LHFPL3: variants seen among roughly 807,000 people sequenced by gnomAD.
The protein encoded by LHFPL3 is LHFPL tetraspan subfamily member 3.
LHFPL3 carries 5 observed loss-of-function variants against 19.3 expected under a neutral mutation model. The observed-to-expected ratio is 0.26, with a 90% confidence interval of 0.14 to 0.54. The LOEUF (loss-of-function observed/expected upper bound fraction) is 0.54. Among genes scored for constraint, LHFPL3 ranks in the 20% least tolerant of loss-of-function variants. The pLI, the probability that LHFPL3 is intolerant of heterozygous loss-of-function variation, is 0.94. For synonymous variants in LHFPL3, 133 were observed against 126.2 expected (o/e 1.05, Z -0.36); for missense variants, 249 against 307.4 (o/e 0.81, Z 1.42).
intron 1 of LHFPL3, among the ~76,000 whole-genome samples, chr7:104,660,498 ACG>A (rs1388087041): frequency 2.0e-5 from 3 of 152,174 alleles, no homozygotes; most frequent in Non-Finnish European, 2.9e-5. Context: ...GTACTATGTC[ACG>A]TTGTCTATTT....
chr7:104,624,289 G>A (rs879132005), intron 1 of LHFPL3, among the ~76,000 whole-genome samples: 4 of 152,126 alleles, frequency 2.6e-5, no homozygotes, highest in East Asian at 1.9e-4. Context: ...CCCAGTTCTC[G>A]GCGAAGTAGT....
chr7:104,587,516 T>C (rs1286108723), intron 1 of LHFPL3, among the ~76,000 whole-genome samples: 5 of 152,226 alleles, frequency 3.3e-5, no homozygotes, highest in Non-Finnish European at 5.9e-5. Context: ...ATCCAGTCTA[T>C]CATTGTTGGA....
chr7:104,892,204 G>C (rs183718711), intron 2 of LHFPL3, among the ~76,000 whole-genome samples: 1 of 152,292 alleles, frequency 6.6e-6, no homozygotes, highest in Admixed American at 6.5e-5. Flanking sequence ...AGAGTCTTCA[G>C]AGCATCTCCT....
At chr7:104,868,060 G>A (rs1253650239) in intron 2 of LHFPL3, among the ~76,000 whole-genome samples, 228 of 144,598 alleles carry the variant, frequency 1.6e-3, no homozygotes, top group Middle Eastern at 3.4e-3. Context: ...AATAAATTAG[G>A]TATTGATGGG....
At chr7:104,352,351 G>A (rs148315011) in intron 1 of LHFPL3, among the ~76,000 whole-genome samples, 68 of 152,002 alleles carry the variant, frequency 4.5e-4, no homozygotes, top group African/African-American at 1.6e-3. Flanking sequence ...ACTTTTGCAC[G>A]TAAAATTCTT....
chr7:104,621,272 T>G (rs1791441854), intron 1 of LHFPL3, among the ~76,000 whole-genome samples: 1 of 152,190 alleles, frequency 6.6e-6, no homozygotes, highest in Admixed American at 6.5e-5. Context: ...CCTTTATGGA[T>G]TAGTATAGAA....
At chr7:104,897,804 A>G (rs1792395312) in intron 2 of LHFPL3, among the ~76,000 whole-genome samples, 1 of 152,210 alleles carries the variant, frequency 6.6e-6, no homozygotes, top group South Asian at 2.1e-4. Context: ...AAATAAAGCA[A>G]TTAGATGCAC....
intron 2 of LHFPL3, among the ~76,000 whole-genome samples, chr7:104,761,733 C>A (rs1408609506): frequency 6.6e-6 from 1 of 152,182 alleles, no homozygotes; most frequent in African/African-American, 2.4e-5. Context: ...AAATACATAG[C>A]CTGCCGGAAT....
At chr7:104,478,246 T>C (rs1356811410) in intron 1 of LHFPL3, among the ~76,000 whole-genome samples, 5 of 152,112 alleles carry the variant, frequency 3.3e-5, no homozygotes. Context: ...TCCTGATAGG[T>C]TGAGAAATTA....
At chr7:104,495,909 ATTACT>A (rs1222284198) in intron 1 of LHFPL3, among the ~76,000 whole-genome samples, 131 of 151,918 alleles carry the variant, frequency 8.6e-4, no homozygotes, top group Non-Finnish European at 1.1e-3. Context: ...ATCCTCATTT[ATTACT>A]TTACTTAGGA....
intron 1 of LHFPL3, among the ~76,000 whole-genome samples, chr7:104,628,150 T>C (rs908026335): frequency 2.6e-5 from 4 of 152,182 alleles, no homozygotes; most frequent in African/African-American, 9.6e-5. Flanking sequence ...ACAGCTGTTC[T>C]CATGTCCACT....
intron 1 of LHFPL3, among the ~76,000 whole-genome samples, chr7:104,730,635 C>A (rs1793682483): frequency 6.6e-6 from 1 of 151,974 alleles, no homozygotes. Context: ...TTTGTAGATT[C>A]TGGATATTAG....
chr7:104,799,822 A>G (rs1482900249), intron 2 of LHFPL3: 1 of 153,344 alleles, frequency 6.5e-6, no homozygotes, highest in African/African-American at 2.4e-5. Context: ...TTTTACCTTG[A>G]TTAATGCCCT....
chr7:104,823,493 T>G (rs1790717847), intron 2 of LHFPL3, among the ~76,000 whole-genome samples: 2 of 152,162 alleles, frequency 1.3e-5, no homozygotes, highest in Admixed American at 6.5e-5. Context: ...GTTTGGGGTT[T>G]CTCCATTCAG....
chr7:104,464,074 A>G (rs1335729115), intron 1 of LHFPL3, among the ~76,000 whole-genome samples: 1 of 152,236 alleles, frequency 6.6e-6, no homozygotes, highest in African/African-American at 2.4e-5. Context: ...CATTGGGCAA[A>G]TACACGGATT....
At chr7:104,668,990 G>C in intron 1 of LHFPL3, 2 of 1,612,220 alleles carry the variant, frequency 1.2e-6, no homozygotes, top group East Asian at 2.2e-5. Flanking sequence ...GAACGGGAAC[G>C]GTCGAGGACA....
At chr7:104,600,160 G>A (rs968037219) in intron 1 of LHFPL3, among the ~76,000 whole-genome samples, 1 of 152,198 alleles carries the variant, frequency 6.6e-6, no homozygotes, top group Non-Finnish European at 1.5e-5. Flanking sequence ...AAAACATGTT[G>A]AGGGGAGAGG....
intron 2 of LHFPL3, chr7:104,804,124 G>C (rs1340539313): frequency 1.3e-5 from 2 of 152,200 alleles, no homozygotes; most frequent in African/African-American, 2.4e-5. Flanking sequence ...CTGAAAAATA[G>C]AGCATATCTT....
intron 2 of LHFPL3, among the ~76,000 whole-genome samples, chr7:104,844,906 A>T (rs1240319445): frequency 6.6e-6 from 1 of 152,082 alleles, no homozygotes; most frequent in African/African-American, 2.4e-5. Context: ...CACCCAGCTA[A>T]ATTTTGTATT....
Sources: allele counts gnomAD v4.1 joint callset (sites outside exome capture counted in the v4.1 genomes callset), GRCh38; gene constraint gnomAD v4.1.1; transcripts MANE v1.5; gene names NCBI Gene and HGNC (gene_info 2026-07-23, HGNC 2026-07-21).